Variants in INTS14 observed in about 807,000 individuals in gnomAD.
The protein encoded by INTS14 is UPF0464 protein C15orf44.
In INTS14, 27 loss-of-function variants were observed where a neutral mutation model predicts 56.9. That is an observed-to-expected ratio of 0.47 (90% CI 0.35 to 0.65). INTS14 has a LOEUF of 0.65. Ranked by LOEUF, INTS14 falls within the 30% of genes least tolerant of loss-of-function variation. INTS14 has a pLI of 0.00. For missense variants in INTS14, 517 were observed against 632.2 expected (o/e 0.82, Z 1.95); for synonymous variants, 207 against 236.2 (o/e 0.88, Z 1.13).
At position 65,595,851 on chromosome 15, in the gene INTS14, T is replaced by C. The variant is rs182490064; in HGVS notation, c.749-26A>G. 4.1e-5 allele frequency: 62 copies of C among 1,528,410 alleles called. 1 individual carries two copies. In the South Asian group the frequency reaches 7.2e-4, roughly 18 times the overall value. 94.7% of individuals were successfully genotyped at this position (1,528,410 alleles called of 1,614,324 possible). A position where few individuals can be genotyped will look rare whatever the true frequency, so the allele number is the denominator to read the frequency against. On this transcript the variant is annotated intron_variant, in intron 6 of 11. Transcript: ENST00000313182. ...CTGAAATGAAGGAATCAACACAGAA[T>C]TAATTCATTCTATGGAAAAGTACAT...
At chr15:65,599,746 A>G in intron 4 of INTS14, 28 bp downstream of exon 4, 1 of 1,609,082 alleles carries the variant, frequency 6.2e-7, no homozygotes, top group African/African-American at 1.3e-5. Context: ...ATGCCTAATC[A>G]AACTAAAAAC....
At chr15:65,587,512 T>C (rs1377316606) in intron 9 of INTS14, among the ~76,000 whole-genome samples, 2 of 152,148 alleles carry the variant, frequency 1.3e-5, no homozygotes, top group African/African-American at 4.8e-5. Context: ...TAGTTGTAAA[T>C]AACATTTACA....
intron 9 of INTS14, chr15:65,586,848 TG>T (rs1382553781): frequency 6.6e-6 from 1 of 152,134 alleles, no homozygotes; most frequent in Non-Finnish European, 1.5e-5. Flanking sequence ...AAGAAATAAT[TG>T]ATCTTCCCAG....
At chr15:65,604,253 T>C (rs1247708159) in intron 3 of INTS14, among the ~76,000 whole-genome samples, 1 of 152,146 alleles carries the variant, frequency 6.6e-6, no homozygotes, top group Non-Finnish European at 1.5e-5. Context: ...CAGCTAATTT[T>C]TGTATTTTTA....
chr15:65,598,845 G>A (rs763804663), intron 5 of INTS14, 27 bp downstream of exon 5: 4 of 1,528,772 alleles, frequency 2.6e-6, no homozygotes, highest in South Asian at 2.3e-5. Flanking sequence ...TGTAAAGAAG[G>A]CAAAAGAGCT....
intron 5 of INTS14, 186 bp downstream of exon 5, chr15:65,598,686 A>T (rs2073308100): frequency 1.5e-6 from 1 of 684,162 alleles, no homozygotes; most frequent in African/African-American, 1.8e-5. Context: ...TAAGGAAGTC[A>T]GTATCTACAG....
chr15:65,590,093 A>G (rs1321129689), intron 9 of INTS14, among the ~76,000 whole-genome samples: 2 of 152,172 alleles, frequency 1.3e-5, no homozygotes, highest in Non-Finnish European at 1.5e-5. Flanking sequence ...ATATCCAAAC[A>G]TTATTGATCC....
intron 3 of INTS14, among the ~76,000 whole-genome samples, chr15:65,604,137 C>T (rs904924721): frequency 6.6e-6 from 1 of 152,168 alleles, no homozygotes; most frequent in Non-Finnish European, 1.5e-5. Context: ...GGCTGGAGTG[C>T]AGTGGCGCAA....
chr15:65,590,635 T>A (rs1224689902), intron 9 of INTS14, among the ~76,000 whole-genome samples: 1 of 152,196 alleles, frequency 6.6e-6, no homozygotes, highest in Admixed American at 6.5e-5. Flanking sequence ...CTGTGAAGAT[T>A]CTCCTGAGTC....
In INTS14 at chr15:65,584,802, C is replaced by A; in HGVS notation, c.1207G>T (p.Val403Leu). 4.3e-6 allele frequency: 7 copies of A among 1,613,454 alleles called. No homozygotes were observed. The highest frequency in any genetic ancestry group is 5.9e-6 in the Non-Finnish European group (7 of 1,179,726). ...CCGCTGGGTTTGATCCAGACAGTCA[C>A]ATTCTGGGCATAACTGCGTTTGTTT... is the stretch of plus-strand genomic sequence containing the variant. ...PKNKRSYAQN[V>L]TVWIKPSGLQ... Residue 403 changes from valine (V) to leucine (L), a missense_variant, in exon 10 of 12, where the codon GTG (valine) becomes TTG (leucine). Transcript: ENST00000313182.
intron 3 of INTS14, among the ~76,000 whole-genome samples, chr15:65,603,104 C>T (rs917433670): frequency 6.6e-6 from 1 of 152,150 alleles, no homozygotes; most frequent in Non-Finnish European, 1.5e-5. Flanking sequence ...AATAAGACAT[C>T]CTATATGCAT....
intron 6 of INTS14, among the ~76,000 whole-genome samples, chr15:65,597,546 A>G (rs1338875297): frequency 6.6e-6 from 1 of 152,222 alleles, no homozygotes; most frequent in East Asian, 1.9e-4. Flanking sequence ...CGAACCAGGT[A>G]AAAGCTGTGG....
intron 3 of INTS14, among the ~76,000 whole-genome samples, 176 bp from the exon 4 acceptor site, chr15:65,600,105 G>C (rs921031491): frequency 6.6e-6 from 1 of 151,696 alleles, no homozygotes; most frequent in Admixed American, 6.6e-5. Flanking sequence ...AGGAGTTTGA[G>C]ACCAGCCTGG....
At chr15:65,606,546 C>T (rs1037084079) in intron 2 of INTS14, among the ~76,000 whole-genome samples, 1 of 151,872 alleles carries the variant, frequency 6.6e-6, no homozygotes, top group Non-Finnish European at 1.5e-5. Flanking sequence ...TGAGCCACCA[C>T]ACCTGGCCCA....
Position 65,597,739 on chromosome 15 carries a change from T to G in INTS14, c.748+582A>C, listed in dbSNP as rs567968213. On this transcript the variant is annotated intron_variant, in intron 6 of 11. Transcript: ENST00000313182. ...AAAGTATAGAAGCTAGCCCTTCTTA[T>G]ATGACCTTAATTATGATACTAATTA... 2.0e-5 allele frequency among the ~76,000 whole-genome samples: 3 copies of G among 152,332 alleles called. No individual in the cohort carries two copies. The East Asian group carries it at 5.8e-4, about 29-fold the overall frequency.
At position 65,599,864 on chromosome 15, in the gene INTS14, A is replaced by G. The variant is rs778132008; in HGVS notation, c.396T>C (p.Thr132=). 1 of 1,614,210 alleles carries G rather than the reference A, an allele frequency of 6.2e-7. No individual in the cohort carries two copies. The highest frequency in any genetic ancestry group is 8.5e-7 in the Non-Finnish European group (1 of 1,180,016). Residue 132 remains threonine, a synonymous_variant, in exon 4 of 12, where the codon ACT becomes ACC. Transcript: ENST00000313182. The part of the protein sequence containing the change: ...GRGSLRHSLA[T]QNQRSESNRF... ...TGTTGCTCTCACTTCGTTGATTTTG[A>G]GTGGCTAGGGAATGTCGCAGTGACC...
chr15:65,584,290 T>C (rs945497661), intron 10 of INTS14, among the ~76,000 whole-genome samples: 9 of 152,244 alleles, frequency 5.9e-5, no homozygotes, highest in African/African-American at 2.2e-4. Flanking sequence ...GGAAGAAATA[T>C]AGTTATGAAG....
chr15:65,583,977 GTCTCT>G (rs2072725540), intron 10 of INTS14, among the ~76,000 whole-genome samples: 1 of 152,180 alleles, frequency 6.6e-6, no homozygotes, highest in Non-Finnish European at 1.5e-5. Context: ...CAAGTGGCCT[GTCTCT>G]TCTCATTTGG....
intron 9 of INTS14, among the ~76,000 whole-genome samples, chr15:65,590,378 C>T (rs1161520816): frequency 6.6e-6 from 1 of 152,224 alleles, no homozygotes. Context: ...CATTACTCCT[C>T]TTCAGTGGTT....
Sources: allele counts gnomAD v4.1 joint callset (sites outside exome capture counted in the v4.1 genomes callset), GRCh38; gene constraint gnomAD v4.1.1; transcripts MANE v1.5; gene names NCBI Gene and HGNC (gene_info 2026-07-23, HGNC 2026-07-21).